Variants in KHDRBS2 observed in about 807,000 individuals in gnomAD.
KHDRBS2 encodes the protein KH RNA binding domain containing, signal transduction associated 2.
Under a neutral mutation model 44.3 loss-of-function variants are expected in KHDRBS2, and 26 were observed. The ratio of observed to expected loss-of-function variants is 0.59; its 90% CI spans 0.43 to 0.81. KHDRBS2 has a LOEUF of 0.81. Among genes scored for constraint, KHDRBS2 ranks in the 40% least tolerant of loss-of-function variants. The pLI is 0.00. For missense variants in KHDRBS2, 476 were observed against 433.1 expected, an observed-to-expected ratio of 1.10 and a Z score of -0.88; for synonymous variants, 194 against 151.1, an observed-to-expected ratio of 1.28 and a Z score of -2.08.
intron 6 of KHDRBS2, among the ~76,000 whole-genome samples, chr6:61,874,556 C>T (rs190858350): frequency 3.3e-5 from 5 of 152,184 alleles, no homozygotes; most frequent in South Asian, 2.1e-4. Flanking sequence ...TGCTTCTTTT[C>T]GTATATCCAC....
At chr6:61,544,720 C>T in the KHDRBS2 span, among the ~76,000 whole-genome samples, 4 of 151,952 alleles carry the variant, frequency 2.6e-5, no homozygotes, top group South Asian at 2.1e-4. Context: ...GAAAATGTGG[C>T]ACATATACAC....
chr6:61,700,740 TC>T, intron 7 of KHDRBS2, among the ~76,000 whole-genome samples: 1 of 123,420 alleles, frequency 8.1e-6, no homozygotes, highest in African/African-American at 2.7e-5. Flanking sequence ...ATTTACCTTC[TC>T]AGTTGGTAGA....
At chr6:62,175,332 C>T (rs1426107242) in intron 2 of KHDRBS2, among the ~76,000 whole-genome samples, 2 of 151,470 alleles carry the variant, frequency 1.3e-5, no homozygotes, top group Non-Finnish European at 3.0e-5. Context: ...TTGAGACTAT[C>T]CCATAAAACT....
chr6:61,880,721 G>T (rs1295539206), intron 6 of KHDRBS2, among the ~76,000 whole-genome samples: 1 of 151,764 alleles, frequency 6.6e-6, no homozygotes, highest in Non-Finnish European at 1.5e-5. Context: ...ATCTTTTCCT[G>T]CCTCCCAGTG....
intron 6 of KHDRBS2, among the ~76,000 whole-genome samples, chr6:61,787,898 C>T (rs1784050466): frequency 6.6e-6 from 1 of 151,524 alleles, no homozygotes; most frequent in Non-Finnish European, 1.5e-5. Context: ...AGTCTGTTCC[C>T]TAAAACTGTA....
chr6:61,563,653 C>T, the KHDRBS2 span, among the ~76,000 whole-genome samples: 1 of 152,066 alleles, frequency 6.6e-6, no homozygotes, highest in African/African-American at 2.4e-5. Flanking sequence ...ATTTTAGTCA[C>T]AGCCCTTTTT....
chr6:62,272,407 A>C (rs1207578601), intron 1 of KHDRBS2, among the ~76,000 whole-genome samples: 1 of 152,190 alleles, frequency 6.6e-6, no homozygotes, highest in Non-Finnish European at 1.5e-5. Flanking sequence ...TCCAATACTG[A>C]AACAGACCTA....
chr6:62,075,079 TA>T (rs1562797700), intron 2 of KHDRBS2, among the ~76,000 whole-genome samples: 1 of 151,910 alleles, frequency 6.6e-6, no homozygotes, highest in Non-Finnish European at 1.5e-5. Flanking sequence ...ATTTTGTAAA[TA>T]GAGTAGTTTA....
intron 6 of KHDRBS2, among the ~76,000 whole-genome samples, chr6:61,863,816 A>G (rs1797374987): frequency 6.6e-6 from 1 of 152,160 alleles, no homozygotes; most frequent in Admixed American, 6.5e-5. Context: ...TCCAGAGCTG[A>G]GTTCAGGTCC....
At chr6:62,210,324 ATTCT>A (rs1828806212) in intron 1 of KHDRBS2, among the ~76,000 whole-genome samples, 1 of 138,072 alleles carries the variant, frequency 7.2e-6, no homozygotes, top group Admixed American at 7.7e-5. Flanking sequence ...TTATTCTAGC[ATTCT>A]TTTTTTTTTT....
At chr6:61,894,977 G>T in intron 5 of KHDRBS2, 144 bp from the exon 6 acceptor site, 1 of 587,886 alleles carries the variant, frequency 1.7e-6, no homozygotes, top group Non-Finnish European at 3.0e-6. Flanking sequence ...GTGTGTGTAT[G>T]CATTTAATAG....
chr6:62,184,845 G>C (rs148819675), intron 1 of KHDRBS2, among the ~76,000 whole-genome samples: 4 of 151,824 alleles, frequency 2.6e-5, no homozygotes, highest in South Asian at 2.1e-4. Context: ...TTTTATATAA[G>C]GTGCCTCAAA....
intron 1 of KHDRBS2, among the ~76,000 whole-genome samples, chr6:62,273,970 CTG>C (rs1304926106): frequency 6.6e-6 from 1 of 152,090 alleles, no homozygotes; most frequent in East Asian, 1.9e-4. Flanking sequence ...AATGGAGTCT[CTG>C]TCACCCAGGC....
Position 61,699,997 on chromosome 6 carries a change from C to A in KHDRBS2, c.894-2744G>T, listed in dbSNP as rs1768397244. Among the ~76,000 whole-genome samples the A allele has an allele frequency of 2.0e-5, 3 of 151,874 alleles. No individual in the cohort carries two copies. The South Asian group carries it at 6.2e-4, about 32-fold the overall frequency. ...CATACTTGACATGATAAAAATGATG[C>A]AACCCAACTCAGAGTCCTCATATAG... On this transcript the variant is annotated intron_variant, in intron 7 of 8. Coordinates refer to ENST00000281156, the MANE Select transcript of KHDRBS2 (RefSeq NM_152688.4).
chr6:61,562,352 C>A, the KHDRBS2 span, among the ~76,000 whole-genome samples: 57 of 152,152 alleles, frequency 3.7e-4, no homozygotes, highest in African/African-American at 1.3e-3. Flanking sequence ...CTGTTATGAT[C>A]CTTTAGGGAT....
intron 3 of KHDRBS2, among the ~76,000 whole-genome samples, chr6:61,990,992 G>A (rs1334408123): frequency 6.6e-6 from 1 of 152,134 alleles, no homozygotes; most frequent in East Asian, 1.9e-4. Flanking sequence ...ACAGGCATGA[G>A]CCACTGCAAC....
intron 5 of KHDRBS2, among the ~76,000 whole-genome samples, chr6:61,899,087 A>T (rs1163200566): frequency 6.6e-6 from 1 of 151,888 alleles, no homozygotes; most frequent in Non-Finnish European, 1.5e-5. Flanking sequence ...AGAAAACATA[A>T]CTTCTTACTA....
At chr6:61,785,187 A>C (rs190655157) in intron 6 of KHDRBS2, among the ~76,000 whole-genome samples, 252 of 151,990 alleles carry the variant, frequency 1.7e-3, no homozygotes, top group African/African-American at 5.2e-3. Flanking sequence ...ACAAAAAAAA[A>C]CAGACAATCA....
the KHDRBS2 span, among the ~76,000 whole-genome samples, chr6:61,633,449 T>C: frequency 6.6e-5 from 10 of 152,212 alleles, no homozygotes; most frequent in Admixed American, 5.9e-4. Flanking sequence ...AGGTAATTTC[T>C]AAGATTATTG....
Sources: allele counts gnomAD v4.1 joint callset (sites outside exome capture counted in the v4.1 genomes callset), GRCh38; gene constraint gnomAD v4.1.1; transcripts MANE v1.5; gene names NCBI Gene and HGNC (gene_info 2026-07-23, HGNC 2026-07-21).